The following DGKB variants were observed in gnomAD, a reference collection of about 807,000 sequenced individuals.
DGKB encodes diacylglycerol kinase beta, also known as 90 kDa diacylglycerol kinase.
In DGKB, 67 loss-of-function variants were observed where a neutral mutation model predicts 114.3. That is an observed-to-expected ratio of 0.59 (90% CI 0.48 to 0.72). The LOEUF is 0.72. Among genes scored for constraint, DGKB ranks in the 30% least tolerant of loss-of-function variants. The pLI, the probability that DGKB is intolerant of heterozygous loss-of-function variation, is 0.00. For missense variants in DGKB, 907 were observed against 975.2 expected, an observed-to-expected ratio of 0.93 and a Z score of 0.93; for synonymous variants, 398 against 323.1, an observed-to-expected ratio of 1.23 and a Z score of -2.49.
At chr7:14,558,888 T>A (rs1239581153) in intron 20 of DGKB, among the ~76,000 whole-genome samples, 1 of 152,146 alleles carries the variant, frequency 6.6e-6, no homozygotes, top group Non-Finnish European at 1.5e-5. Flanking sequence ...CTGAAGTACC[T>A]CAGCTAAGGC....
At chr7:14,754,227 GC>G (rs905868018) in intron 3 of DGKB, among the ~76,000 whole-genome samples, 17 of 152,010 alleles carry the variant, frequency 1.1e-4, no homozygotes, top group African/African-American at 4.1e-4. Flanking sequence ...GTTTTGACAA[GC>G]CCCCCGGTTG....
intron 14 of DGKB, among the ~76,000 whole-genome samples, chr7:14,629,208 T>C (rs904590447): frequency 3.3e-5 from 5 of 152,142 alleles, no homozygotes; most frequent in African/African-American, 1.2e-4. Flanking sequence ...GTCACTTGAG[T>C]GTGTAATTTA....
intron 21 of DGKB, among the ~76,000 whole-genome samples, chr7:14,417,254 C>T (rs1232977053): frequency 6.6e-6 from 1 of 151,882 alleles, no homozygotes; most frequent in Non-Finnish European, 1.5e-5. Context: ...TTCACAATTT[C>T]AAAGATTTAG....
chr7:14,780,300 T>C (rs1180335559), intron 2 of DGKB, among the ~76,000 whole-genome samples: 1 of 152,232 alleles, frequency 6.6e-6, no homozygotes, highest in Non-Finnish European at 1.5e-5. Flanking sequence ...TCTTTGTTCT[T>C]TAAATCTAGG....
chr7:14,717,201 A>G (rs1288381697), intron 6 of DGKB, among the ~76,000 whole-genome samples: 1 of 152,184 alleles, frequency 6.6e-6, no homozygotes, highest in African/African-American at 2.4e-5. Flanking sequence ...AAAAAGCAAT[A>G]TACATCCAGC....
intron 14 of DGKB, among the ~76,000 whole-genome samples, chr7:14,624,312 T>C (rs1808187192): frequency 6.6e-6 from 1 of 152,202 alleles, no homozygotes; most frequent in African/African-American, 2.4e-5. Flanking sequence ...AAATCTGCAA[T>C]GTGAAAGATA....
intron 2 of DGKB, among the ~76,000 whole-genome samples, chr7:14,809,511 G>A (rs937800134): frequency 2.0e-5 from 3 of 152,154 alleles, no homozygotes. Flanking sequence ...TATTTTAATA[G>A]CATCCATGTA....
intron 1 of DGKB, among the ~76,000 whole-genome samples, chr7:14,880,742 G>A (rs563904686): frequency 4.6e-5 from 7 of 152,228 alleles, no homozygotes; most frequent in South Asian, 2.1e-4. Context: ...AACTAACGAC[G>A]TCTCTAGGAG....
intron 2 of DGKB, among the ~76,000 whole-genome samples, chr7:14,801,158 C>T (rs1330365742): frequency 6.6e-6 from 1 of 152,112 alleles, no homozygotes; most frequent in Non-Finnish European, 1.5e-5. Context: ...AATTCTACAT[C>T]ATAGGACTTA....
At chr7:14,259,615 C>T (rs796714802) in intron 23 of DGKB, among the ~76,000 whole-genome samples, 18 of 152,114 alleles carry the variant, frequency 1.2e-4, no homozygotes, top group African/African-American at 4.1e-4. Context: ...TTAGTAGAGA[C>T]GGGTTTTGCC....
intron 20 of DGKB, among the ~76,000 whole-genome samples, chr7:14,523,743 G>T (rs1790170865): frequency 6.6e-6 from 1 of 152,102 alleles, no homozygotes; most frequent in Non-Finnish European, 1.5e-5. Flanking sequence ...AATTGCTGCT[G>T]AATATGTTTC....
chr7:14,896,792 T>A (rs1782170860), intron 1 of DGKB, among the ~76,000 whole-genome samples: 1 of 151,786 alleles, frequency 6.6e-6, no homozygotes, highest in Non-Finnish European at 1.5e-5. Flanking sequence ...ACGCAGAAAG[T>A]AAGTTTCAAG....
At chr7:14,373,067 C>T (rs1341098812) in intron 21 of DGKB, among the ~76,000 whole-genome samples, 2 of 152,170 alleles carry the variant, frequency 1.3e-5, no homozygotes, top group Non-Finnish European at 2.9e-5. Context: ...TAATTGCCCA[C>T]ATGAGATTCA....
At chr7:14,295,006 G>T (rs1451168115) in intron 23 of DGKB, among the ~76,000 whole-genome samples, 1 of 152,046 alleles carries the variant, frequency 6.6e-6, no homozygotes, top group Non-Finnish European at 1.5e-5. Flanking sequence ...TTGAGGAAGG[G>T]CATCCATCAA....
At chr7:14,339,155 T>A (rs1811184312) in intron 22 of DGKB, among the ~76,000 whole-genome samples, 1 of 151,476 alleles carries the variant, frequency 6.6e-6, no homozygotes, top group Admixed American at 6.6e-5. Flanking sequence ...GATTGATGCC[T>A]CATGGTCTCA....
intron 21 of DGKB, among the ~76,000 whole-genome samples, chr7:14,359,266 T>A (rs989049148): frequency 2.0e-5 from 3 of 152,178 alleles, no homozygotes; most frequent in Non-Finnish European, 2.9e-5. Context: ...GCTAGCCATA[T>A]GGAGAAAGCG....
At chr7:14,289,744 C>CAAA (rs3067647) in intron 23 of DGKB, among the ~76,000 whole-genome samples, 5 of 126,810 alleles carry the variant, frequency 3.9e-5, no homozygotes, top group Non-Finnish European at 6.7e-5. Flanking sequence ...AGACATGGAC[C>CAAA]AAAAAAAAAA....
At chr7:14,430,459 G>A (rs1303585523) in intron 21 of DGKB, among the ~76,000 whole-genome samples, 1 of 152,102 alleles carries the variant, frequency 6.6e-6, no homozygotes, top group African/African-American at 2.4e-5. Context: ...GTTAACATGT[G>A]AAGTTGGTCC....
intron 23 of DGKB, among the ~76,000 whole-genome samples, chr7:14,321,397 A>T (rs1477799250): frequency 6.6e-6 from 1 of 152,184 alleles, no homozygotes; most frequent in African/African-American, 2.4e-5. Flanking sequence ...ATCAACATGT[A>T]TTTATAACAA....
Sources: gnomAD v4.1 joint callset for allele counts (sites outside exome capture counted in the v4.1 genomes callset) on GRCh38, gnomAD v4.1.1 for gene constraint, MANE v1.5 for transcripts, NCBI Gene and HGNC (gene_info 2026-07-23, HGNC 2026-07-21) for gene names.